OPCML: variants seen among roughly 807,000 people sequenced by gnomAD.
The protein encoded by OPCML is opioid binding protein/cell adhesion molecule like.
Under a neutral mutation model 37.8 loss-of-function variants are expected in OPCML, and 13 were observed. The observed-to-expected ratio is 0.34, with a 90% CI of 0.22 to 0.55. The LOEUF (loss-of-function observed/expected upper bound fraction) is 0.55. Ranked by LOEUF, OPCML falls within the 20% of genes least tolerant of loss-of-function variation. The pLI is 0.91. For missense variants in OPCML, 341 were observed against 435.6 expected (o/e 0.78, Z 1.93); for synonymous variants, 176 against 168.8 (o/e 1.04, Z -0.33).
At chr11:132,743,982 C>T (rs978748266) in intron 2 of OPCML, among the ~76,000 whole-genome samples, 1 of 152,184 alleles carries the variant, frequency 6.6e-6, no homozygotes, top group South Asian at 2.1e-4. Flanking sequence ...TAGCATAATG[C>T]TTTGTGTCAT....
At chr11:133,214,303 T>G (rs1939498465) in intron 1 of OPCML, among the ~76,000 whole-genome samples, 1 of 152,174 alleles carries the variant, frequency 6.6e-6, no homozygotes, top group Admixed American at 6.5e-5. Context: ...GAAAAAGCTT[T>G]GAAAAGCTTA....
At chr11:133,080,231 T>G (rs1038839257) in intron 1 of OPCML, among the ~76,000 whole-genome samples, 1 of 152,104 alleles carries the variant, frequency 6.6e-6, no homozygotes, top group South Asian at 2.1e-4. Flanking sequence ...ATGGTAACTC[T>G]CAGACTCCAG....
intron 1 of OPCML, among the ~76,000 whole-genome samples, chr11:133,093,627 TAGCAGGTG>T (rs770091496): frequency 2.0e-5 from 3 of 152,214 alleles, no homozygotes; most frequent in Non-Finnish European, 4.4e-5. Context: ...CAAAAGCCAG[TAGCAGGTG>T]AGTGGTAGGC....
chr11:133,169,247 G>A (rs1450166740), intron 1 of OPCML, among the ~76,000 whole-genome samples: 1 of 152,214 alleles, frequency 6.6e-6, no homozygotes, highest in Non-Finnish European at 1.5e-5. Context: ...CAGCTGGAAA[G>A]TGATAGTGTC....
chr11:133,017,932 C>T (rs540858403), intron 1 of OPCML, among the ~76,000 whole-genome samples: 14 of 152,302 alleles, frequency 9.2e-5, no homozygotes, highest in Non-Finnish European at 2.1e-4. Flanking sequence ...TTCTGTGGCA[C>T]GGGTTGCAGC....
chr11:133,464,742 G>A (rs1946938164), intron 1 of OPCML, among the ~76,000 whole-genome samples: 1 of 152,208 alleles, frequency 6.6e-6, no homozygotes. Flanking sequence ...AGATCTGTTA[G>A]CACGCTTTCA....
chr11:132,983,778 A>T (rs1392817593), intron 1 of OPCML, among the ~76,000 whole-genome samples: 2 of 152,196 alleles, frequency 1.3e-5, no homozygotes, highest in East Asian at 3.8e-4. Context: ...ATATCAGCAC[A>T]TCTTGCCCAC....
chr11:132,777,629 A>C (rs1346998174), intron 2 of OPCML, among the ~76,000 whole-genome samples: 1 of 152,226 alleles, frequency 6.6e-6, no homozygotes, highest in Non-Finnish European at 1.5e-5. Flanking sequence ...AGGATCACAC[A>C]GCTAGCTGTT....
chr11:132,550,044 G>T (rs2096377866), intron 3 of OPCML, among the ~76,000 whole-genome samples: 1 of 152,050 alleles, frequency 6.6e-6, no homozygotes, highest in Non-Finnish European at 1.5e-5. Flanking sequence ...CTGTGTACTT[G>T]CCCTGAATTC....
intron 1 of OPCML, among the ~76,000 whole-genome samples, chr11:133,458,271 TATAC>T (rs1382357392): frequency 7.2e-5 from 5 of 69,808 alleles, no homozygotes; most frequent in East Asian, 4.7e-4. Flanking sequence ...TGTGTGTATA[TATAC>T]ACACATATAT....
intron 2 of OPCML, among the ~76,000 whole-genome samples, chr11:132,899,124 G>A (rs1400171420): frequency 6.6e-6 from 1 of 152,136 alleles, no homozygotes; most frequent in Non-Finnish European, 1.5e-5. Context: ...CACCCCACCA[G>A]GTAATGAACC....
At chr11:132,851,802 C>G (rs909624197) in intron 2 of OPCML, among the ~76,000 whole-genome samples, 4 of 152,126 alleles carry the variant, frequency 2.6e-5, no homozygotes, top group African/African-American at 7.2e-5. Context: ...TAGATCTTTT[C>G]TGAACTAAAG....
At chr11:132,950,011 G>A (rs1023081081) in intron 1 of OPCML, among the ~76,000 whole-genome samples, 4 of 152,160 alleles carry the variant, frequency 2.6e-5, no homozygotes, top group Non-Finnish European at 4.4e-5. Context: ...GGTTGGAGCT[G>A]AGCAAACAAA....
chr11:133,169,764 T>C (rs1012531210), intron 1 of OPCML, among the ~76,000 whole-genome samples: 1 of 152,168 alleles, frequency 6.6e-6, no homozygotes, highest in Non-Finnish European at 1.5e-5. Context: ...GCAGTTAATA[T>C]TCATTTGAAA....
At chr11:133,171,599 G>A (rs953408584) in intron 1 of OPCML, among the ~76,000 whole-genome samples, 3 of 152,238 alleles carry the variant, frequency 2.0e-5, no homozygotes, top group Non-Finnish European at 4.4e-5. Flanking sequence ...CGCTCGAACT[G>A]TTTGCTCTGT....
At chr11:132,451,343 C>T (rs935193632) in intron 4 of OPCML, among the ~76,000 whole-genome samples, 4 of 123,594 alleles carry the variant, frequency 3.2e-5, no homozygotes, top group Non-Finnish European at 4.8e-5. Flanking sequence ...AGGACACTGA[C>T]GAGATGGTGA....
intron 1 of OPCML, among the ~76,000 whole-genome samples, chr11:132,983,239 C>G (rs969516972): frequency 1.5e-4 from 23 of 152,206 alleles, no homozygotes; most frequent in Non-Finnish European, 2.4e-4. Context: ...AGCGAAGACT[C>G]TCATAGCATC....
chr11:133,463,752 G>A (rs2136991158), intron 1 of OPCML, among the ~76,000 whole-genome samples: 1 of 152,064 alleles, frequency 6.6e-6, no homozygotes, highest in East Asian at 1.9e-4. Flanking sequence ...GGGCCAAGAA[G>A]TAGTTTAGAC....
chr11:132,879,636 G>A lies in OPCML; in HGVS notation c.146+63290C>T, dbSNP rs535089206. Reference sequence around the variant, plus strand: ...TGAGAATAACAAAGTTTGGTGTGAAGTTCCGCTGCACAGCTATTAAAACTC... The same window carrying A: ...TGAGAATAACAAAGTTTGGTGTGAAATTCCGCTGCACAGCTATTAAAACTC... On this transcript the variant is annotated intron_variant, in intron 2 of 7. Coordinates refer to ENST00000524381, the MANE Select transcript of OPCML (RefSeq NM_001012393.5). Among the ~76,000 whole-genome samples, 6 of 152,298 alleles carry A rather than the reference G, an allele frequency of 3.9e-5. No individual in the cohort carries two copies. In the South Asian group the frequency reaches 1.2e-3, roughly 32 times the overall value.
Sources: allele counts gnomAD v4.1 joint callset (sites outside exome capture counted in the v4.1 genomes callset), GRCh38; gene constraint gnomAD v4.1.1; transcripts MANE v1.5; gene names NCBI Gene and HGNC (gene_info 2026-07-23, HGNC 2026-07-21).